ZFP62: variants seen among roughly 807,000 people sequenced by gnomAD.
ZFP62 encodes the protein zinc finger protein 62 homolog.
A neutral mutation model predicts 56.4 loss-of-function variants in ZFP62; 44 were observed. The ratio of observed to expected loss-of-function variants is 0.78; its 90% confidence interval spans 0.61 to 1.00. The LOEUF (loss-of-function observed/expected upper bound fraction) is 1.00. Among genes scored for constraint, ZFP62 ranks in the 50% least tolerant of loss-of-function variants. ZFP62 has a pLI of 0.00. For synonymous variants in ZFP62, 421 were observed against 388.9 expected (o/e 1.08, Z -0.97); for missense variants, 1,030 against 1,085.7 (o/e 0.95, Z 0.72).
chr5:180,842,509 G>T, the ZFP62 span, among the ~76,000 whole-genome samples: 1 of 152,176 alleles, frequency 6.6e-6, no homozygotes, highest in Non-Finnish European at 1.5e-5. Flanking sequence ...ACTGGCAGAT[G>T]AACAGCCAGA....
chr5:180,854,483 T>C (rs1419890854), intron 1 of ZFP62, among the ~76,000 whole-genome samples: 1 of 152,190 alleles, frequency 6.6e-6, no homozygotes, highest in Non-Finnish European at 1.5e-5. Context: ...AAAGACTGGA[T>C]CAGGAGAGAA....
chr5:180,827,385 C>G, the ZFP62 span, among the ~76,000 whole-genome samples: 1 of 152,042 alleles, frequency 6.6e-6, no homozygotes, highest in Non-Finnish European at 1.5e-5. Flanking sequence ...TTCTGTTAAT[C>G]TGTGACCTTA....
At chr5:180,853,631 ATC>A (rs1773829386) in intron 1 of ZFP62, among the ~76,000 whole-genome samples, 1 of 152,254 alleles carries the variant, frequency 6.6e-6, no homozygotes, top group Admixed American at 6.5e-5. Context: ...GAATACCACA[ATC>A]GCAGGAAGAG....
chr5:180,827,382 A>G, the ZFP62 span, among the ~76,000 whole-genome samples: 2 of 152,156 alleles, frequency 1.3e-5, no homozygotes, highest in South Asian at 2.1e-4. Context: ...AGATTCTGTT[A>G]ATCTGTGACC....
intron 1 of ZFP62, among the ~76,000 whole-genome samples, chr5:180,854,227 G>GA (rs1773856700): frequency 6.6e-6 from 1 of 152,126 alleles, no homozygotes; most frequent in Non-Finnish European, 1.5e-5. Context: ...AGCAAGTAAA[G>GA]AGAGGCTCAA....
intron 1 of ZFP62, among the ~76,000 whole-genome samples, chr5:180,859,107 T>A (rs2127378): frequency 0.69 from 104,050 of 151,484 alleles, 37,646 homozygotes; most frequent in East Asian, 0.96. Context: ...GACAACTCGT[T>A]AGAGAGGAGC....
the ZFP62 span, among the ~76,000 whole-genome samples, chr5:180,841,325 A>ACG: frequency 9.4e-5 from 14 of 148,840 alleles, no homozygotes. Context: ...ACACACATAT[A>ACG]TATATATATA....
chr5:180,847,580 T>C, downstream of ZFP62: 2 of 985,402 alleles, frequency 2.0e-6, no homozygotes, highest in Non-Finnish European at 1.2e-6. Flanking sequence ...CAAATGGCTC[T>C]TGGGTATCCT....
intron 1 of ZFP62, among the ~76,000 whole-genome samples, chr5:180,855,443 G>C (rs911009858): frequency 2.8e-4 from 42 of 152,102 alleles, no homozygotes; most frequent in African/African-American, 8.5e-4. Flanking sequence ...AGCGTCTTCA[G>C]GCTGCTGCTT....
At chr5:180,839,475 T>C in the ZFP62 span, among the ~76,000 whole-genome samples, 1 of 152,172 alleles carries the variant, frequency 6.6e-6, no homozygotes, top group Admixed American at 6.5e-5. Flanking sequence ...TGAGTGGAGC[T>C]GGAGGCCATT....
At chr5:180,853,336 G>A (rs578014924) in intron 1 of ZFP62, among the ~76,000 whole-genome samples, 5 of 152,262 alleles carry the variant, frequency 3.3e-5, no homozygotes, top group East Asian at 1.9e-4. Context: ...GCTACGTTTC[G>A]TGTAGGAAAG....
chr5:180,839,591 C>CA, the ZFP62 span, among the ~76,000 whole-genome samples: 1 of 152,138 alleles, frequency 6.6e-6, no homozygotes, highest in African/African-American at 2.4e-5. Flanking sequence ...AGGGGAAAAA[C>CA]AGACACTGAG....
At chr5:180,857,416 C>T (rs1774046284) in intron 1 of ZFP62, among the ~76,000 whole-genome samples, 1 of 152,158 alleles carries the variant, frequency 6.6e-6, no homozygotes, top group Non-Finnish European at 1.5e-5. Flanking sequence ...AGTGTGCCCA[C>T]CTCTGTTAGA....
At chr5:180,858,486 C>A (rs1774126195) in intron 1 of ZFP62, among the ~76,000 whole-genome samples, 1 of 151,772 alleles carries the variant, frequency 6.6e-6, no homozygotes, top group Admixed American at 6.6e-5. Context: ...ACCTGTAGTT[C>A]CAGCTACTCG....
rs148870149 is a variant in ZFP62, at chr5:180,860,355, T to A, written c.1+864A>T. Among the ~76,000 whole-genome samples the A allele has an allele frequency of 2.5e-3, 382 of 152,286 alleles. 1 individual carries two copies. Among genetic ancestry groups the A allele is most frequent in the African/African-American group, 8.4e-3 (351 of 41,540 alleles). ...ATATTACATATTTCATATTATTATT[T>A]TTTTTAAGCCTTGAGCTTTCACAAA... On this transcript the variant is annotated intron_variant, in intron 1 of 1. Coordinates refer to ENST00000502412, the MANE Select transcript of ZFP62 (RefSeq NM_001172638.2).
At position 180,861,267 on chromosome 5, in the gene ZFP62, C is replaced by T. The variant is rs1383981059; in HGVS notation, c.-48G>A. 2.5e-6 allele frequency: 1 copy of T among 397,438 alleles called. No homozygotes were observed. The highest frequency in any genetic ancestry group is 4.4e-6 in the Non-Finnish European group (1 of 225,268). 24.6% of individuals were successfully genotyped at this position (397,438 alleles called of 1,614,324 possible). ...CCCGGCCGCCAGCGGGACAAAAGCGCGGACCGCACGGCCGGAAGAACCCGC... is the reference window on the plus strand; with the variant it reads ...CCCGGCCGCCAGCGGGACAAAAGCGTGGACCGCACGGCCGGAAGAACCCGC... On this transcript the variant is annotated 5_prime_UTR_variant, in exon 1 of 2. Transcript: ENST00000502412.
At chr5:180,847,138 G>A (rs887083951), downstream of ZFP62, among the ~76,000 whole-genome samples, 5 of 152,352 alleles carry the variant, frequency 3.3e-5, no homozygotes, top group African/African-American at 1.2e-4. Flanking sequence ...GGCTGAGATT[G>A]TTCTCTTGTA....
chr5:180,828,909 TG>T, the ZFP62 span, among the ~76,000 whole-genome samples: 3 of 152,192 alleles, frequency 2.0e-5, no homozygotes, highest in Non-Finnish European at 4.4e-5. Flanking sequence ...AATGCATTCC[TG>T]GGGGTAGGTC....
At chr5:180,845,729 T>C (rs572246887), downstream of ZFP62, 12 of 985,414 alleles carry the variant, frequency 1.2e-5, no homozygotes, top group African/African-American at 1.9e-4. Context: ...GCAGACAGAC[T>C]TCAGGTCCCC....
Sources: allele counts gnomAD v4.1 joint callset (sites outside exome capture counted in the v4.1 genomes callset), GRCh38; gene constraint gnomAD v4.1.1; transcripts MANE v1.5; gene names NCBI Gene and HGNC (gene_info 2026-07-23, HGNC 2026-07-21).